NXN: variants seen among roughly 807,000 people sequenced by gnomAD.
NXN encodes nucleoredoxin, also known as nucleoredoxin 1.
A neutral mutation model predicts 48.6 loss-of-function variants in NXN; 16 were observed. The observed-to-expected ratio is 0.33, with a 90% CI of 0.22 to 0.50. The LOEUF (loss-of-function observed/expected upper bound fraction) is 0.50, where lower values mean the gene tolerates loss of function less well. Among genes scored for constraint, NXN ranks in the 20% least tolerant of loss-of-function variants. The pLI is 0.98. For synonymous variants in NXN, 281 were observed against 269.6 expected (o/e 1.04, Z -0.41); for missense variants, 492 against 605.5 (o/e 0.81, Z 1.97).
intron 1 of NXN, chr17:879,809 C>T (rs2644700): frequency 0.13 from 20,436 of 152,126 alleles, 1,953 homozygotes; most frequent in South Asian, 0.28. Context: ...CAACAGAAGA[C>T]GGTTCAGAAG....
intron 5 of NXN, among the ~76,000 whole-genome samples, chr17:814,531 C>G (rs116038520): frequency 7.7e-4 from 117 of 152,290 alleles, no homozygotes; most frequent in African/African-American, 2.6e-3. Context: ...GACAAGTGTC[C>G]GTCTTCCAGG....
rs569415982 is a variant in NXN at position 898,952 on chromosome 17, CT to C, written c.361-72875del. ...GGCTGGGATTCTGCCTCTGTGCATG[CT>C]TTTTTTTTTTTTCTTTTTTTTTGAG... On this transcript the variant is annotated intron_variant, in intron 1 of 7. Coordinates refer to ENST00000336868, the MANE Select transcript of NXN (RefSeq NM_022463.5). Among the ~76,000 whole-genome samples, 72 of 61,362 alleles carry C rather than the reference CT, an allele frequency of 1.2e-3. 5 individuals are homozygous for C. The highest frequency in any genetic ancestry group is 1.6e-3 in the Non-Finnish European group (31 of 19,956). The allele number at this position is 61,362 out of a possible 152,430, so 40.3% of individuals were successfully genotyped here. A position where few individuals can be genotyped will look rare whatever the true frequency, so the allele number is the denominator to read the frequency against.
chr17:869,897 C>T (rs1485164343), intron 1 of NXN, among the ~76,000 whole-genome samples: 7 of 152,192 alleles, frequency 4.6e-5, no homozygotes, highest in South Asian at 2.1e-4. Flanking sequence ...TAAAAGGTGG[C>T]GTGCGAGAGC....
chr17:918,216 C>G (rs2068708565), intron 1 of NXN, among the ~76,000 whole-genome samples: 2 of 152,206 alleles, frequency 1.3e-5, no homozygotes, highest in Non-Finnish European at 2.9e-5. Context: ...CCAGGCTGTG[C>G]TGGGCCTGGC....
rs994407243 is a variant in NXN, at chr17:958,992, T to C, written c.360+20327A>G. 26 of 208,162 alleles carry C rather than the reference T, an allele frequency of 1.2e-4. No homozygotes were observed. Among genetic ancestry groups the C allele is most frequent in the Non-Finnish European group, 2.3e-4 (24 of 103,326 alleles). 12.9% of individuals were successfully genotyped at this position (208,162 alleles called of 1,614,324 possible). On this transcript the variant is annotated intron_variant, in intron 1 of 7. Coordinates refer to ENST00000336868, the MANE Select transcript of NXN (RefSeq NM_022463.5). This position sits in a 1 kb window ranked among gnomAD's most constrained non-coding sequence, Gnocchi z 6.9. Reference sequence around the variant, plus strand: ...ACACACGATACGAGTTCTTTCATCTTGCAAGAAAGAATCATGCGGATGTGC... The same window carrying C: ...ACACACGATACGAGTTCTTTCATCTCGCAAGAAAGAATCATGCGGATGTGC...
intron 7 of NXN, among the ~76,000 whole-genome samples, chr17:802,145 A>G (rs77265966): frequency 0.024 from 3,646 of 152,006 alleles, 145 homozygotes; most frequent in African/African-American, 0.078. Context: ...TTTTGGAGAT[A>G]GAGTCTCTTT....
intron 1 of NXN, among the ~76,000 whole-genome samples, chr17:832,241 G>A (rs1361838070): frequency 7.9e-5 from 12 of 151,882 alleles, no homozygotes; most frequent in African/African-American, 1.9e-4. Context: ...GCAGTGGCGC[G>A]ATCTCGGCTC....
At position 814,701 on chromosome 17, in the gene NXN, G is replaced by A. The variant is rs145554285; in HGVS notation, c.820+4738C>T. Among the ~76,000 whole-genome samples the A allele has an allele frequency of 1.8e-3, 268 of 152,310 alleles. 2 individuals are homozygous for A. Among genetic ancestry groups the A allele is most frequent in the African/African-American group, 6.2e-3 (258 of 41,560 alleles). ...AGTGACTTCCCGTGGAGCTCAGTAC[G>A]GAGAGTATGGGATGGTTAGCACGCA... On this transcript the variant is annotated intron_variant, in intron 5 of 7. Transcript: ENST00000336868.
Position 838,801 on chromosome 17 carries a change from C to T in NXN, c.361-12723G>A, listed in dbSNP as rs74851819. Among the ~76,000 whole-genome samples the T allele has an allele frequency of 4.0e-5, 6 of 151,648 alleles. No individual in the cohort carries two copies. In the East Asian group the frequency reaches 6.2e-4, roughly 16 times the overall value. On this transcript the variant is annotated intron_variant, in intron 1 of 7. Coordinates refer to ENST00000336868, the MANE Select transcript of NXN (RefSeq NM_022463.5). Reference sequence around the variant, plus strand: ...AACACACTGAACTATCTCAAACATCCGCCCTACAGCTGCCTCCCTTCCAAA... The same window carrying T: ...AACACACTGAACTATCTCAAACATCTGCCCTACAGCTGCCTCCCTTCCAAA...
chr17:946,771 T>C (rs1186814058), intron 1 of NXN, among the ~76,000 whole-genome samples: 1 of 152,196 alleles, frequency 6.6e-6, no homozygotes, highest in Non-Finnish European at 1.5e-5. Context: ...TCGCTGGGCC[T>C]CAGTGTCCTC....
intron 1 of NXN, chr17:908,141 C>G (rs1426413940): frequency 6.6e-6 from 1 of 152,140 alleles, no homozygotes; most frequent in Non-Finnish European, 1.5e-5. Context: ...CTGAGTGTTC[C>G]CCAGAGACGG....
rs143851769 is a variant in NXN at position 968,713 on chromosome 17, G to A, written c.360+10606C>T. On this transcript the variant is annotated intron_variant, in intron 1 of 7. Coordinates refer to ENST00000336868, the MANE Select transcript of NXN (RefSeq NM_022463.5). ...AGCACTCTGAGAGGCTGAGGCAGGCGGATCGCTTGAGGTCAGGAGTTCAAG... is the reference window on the plus strand; with the variant it reads ...AGCACTCTGAGAGGCTGAGGCAGGCAGATCGCTTGAGGTCAGGAGTTCAAG... Among the ~76,000 whole-genome samples the A allele has an allele frequency of 8.7e-3, 1,331 of 152,252 alleles. 11 individuals carry two copies. The highest frequency in any genetic ancestry group is 0.017 in the South Asian group (80 of 4,824).
chr17:891,977 A>AC (rs1346803646), intron 1 of NXN, among the ~76,000 whole-genome samples: 1 of 126,034 alleles, frequency 7.9e-6, no homozygotes. Flanking sequence ...CCAACAAGGA[A>AC]CTAAGCTAAC....
At chr17:848,422 T>C (rs186523879) in intron 1 of NXN, among the ~76,000 whole-genome samples, 1 of 152,360 alleles carries the variant, frequency 6.6e-6, no homozygotes, top group African/African-American at 2.4e-5. Flanking sequence ...ATTACAGGCG[T>C]GAGCCACTGC....
rs767036243 is a variant in NXN at position 805,165 on chromosome 17, G to A, written c.903C>T (p.Asp301=). The change falls in exon 6 of 8, where the codon GAC becomes GAT. Residue 301 remains aspartate, a synonymous_variant. Transcript: ENST00000336868. The part of the protein sequence containing the change: ...QGRVEVLNDE[D]CREFPWHPKP... ...TGGGGTGCCAGGGGAACTCCCGGCA[G>A]TCCTCGTCGTTCAGCACCTCCACCC... is the stretch of plus-strand genomic sequence containing the variant. 1 of 1,610,388 alleles carries A rather than the reference G, an allele frequency of 6.2e-7. No individual in the cohort carries two copies. The highest frequency in any genetic ancestry group is 1.7e-4 in the Middle Eastern group (1 of 5,994).
At chr17:842,604 A>G in intron 1 of NXN, 1 of 981,558 alleles carries the variant, frequency 1.0e-6, no homozygotes, top group Non-Finnish European at 1.2e-6. Context: ...TCCAGGAGTC[A>G]CTCCCCAGGC....
intron 1 of NXN, among the ~76,000 whole-genome samples, chr17:925,158 GAAGA>G (rs138559417): frequency 0.2 from 30,443 of 152,060 alleles, 3,106 homozygotes; most frequent in South Asian, 0.22. Context: ...GGACAGGGAG[GAAGA>G]AAGAAGGGGT....
At chr17:934,980 A>ATT (rs79856003) in intron 1 of NXN, among the ~76,000 whole-genome samples, 6 of 150,672 alleles carry the variant, frequency 4.0e-5, no homozygotes, top group South Asian at 2.1e-4. Context: ...TGTGCTCTTT[A>ATT]TTTTTTTTTA....
chr17:879,538 C>T (rs1186962760), intron 1 of NXN, among the ~76,000 whole-genome samples: 2 of 152,064 alleles, frequency 1.3e-5, no homozygotes, highest in African/African-American at 2.4e-5. Flanking sequence ...CCACCCGCCT[C>T]GGCCTCCCAA....
Sources: allele counts gnomAD v4.1 joint callset (sites outside exome capture counted in the v4.1 genomes callset), GRCh38; gene constraint gnomAD v4.1.1; non-coding constraint Gnocchi (gnomAD v3.1); transcripts MANE v1.5; gene names NCBI Gene and HGNC (gene_info 2026-07-23, HGNC 2026-07-21).